The following IRF2 variants were observed in gnomAD, a reference collection of about 807,000 sequenced individuals.
IRF2 encodes interferon regulatory factor 2.
IRF2 carries 15 observed loss-of-function variants against 40.6 expected under a neutral mutation model. The observed-to-expected ratio is 0.37, with a 90% CI of 0.25 to 0.57. The LOEUF (loss-of-function observed/expected upper bound fraction) is 0.57. IRF2 is among the 20% of genes least tolerant of loss of function. The probability of loss-of-function intolerance (pLI) is 0.77; values close to 1 mark genes in which losing one functional copy is unlikely to be tolerated. For missense variants in IRF2, 317 were observed against 455.7 expected (o/e 0.70, Z 2.77); for synonymous variants, 151 against 165.5 (o/e 0.91, Z 0.67).
chr4:184,471,379 T>C (rs1739508423), intron 1 of IRF2, among the ~76,000 whole-genome samples: 1 of 152,320 alleles, frequency 6.6e-6, no homozygotes, highest in Admixed American at 6.5e-5. Flanking sequence ...GTCAGTTGAG[T>C]ATACAGAGGC....
chr4:184,408,266 C>G lies in IRF2; in HGVS notation c.421G>C (p.Val141Leu). Residue 141 changes from valine (V) to leucine (L), a missense_variant, in exon 6 of 9, where the codon GTT (valine) becomes CTT (leucine). Physicochemically the swap from Val to Leu is conservative, Grantham distance 32. Coordinates refer to ENST00000393593, the MANE Select transcript of IRF2 (RefSeq NM_002199.4). The surrounding 1 kb of genome is among the most constrained non-coding windows in gnomAD (Gnocchi z 4.9). ...TTACTAAGCCCCAGAGATGACTCAA[C>G]TGGTTCTTGCTAGGAAGAAGAAAAG... ...DKVKHIKQEP[V>L]ESSLGLSNGV... 11 of 1,597,702 alleles carry G rather than the reference C, an allele frequency of 6.9e-6. No homozygotes were observed. Among genetic ancestry groups the G allele is most frequent in the Non-Finnish European group, 9.4e-6 (11 of 1,165,492 alleles).
At chr4:184,407,077 G>A in intron 6 of IRF2, 3 of 600,362 alleles carry the variant, frequency 5.0e-6, no homozygotes, top group Non-Finnish European at 8.1e-6. Flanking sequence ...AACACAACAG[G>A]GTTATAGAGC....
At chr4:184,397,688 G>C (rs1041497127) in intron 7 of IRF2, among the ~76,000 whole-genome samples, 8 of 152,206 alleles carry the variant, frequency 5.3e-5, no homozygotes, top group African/African-American at 1.9e-4. Context: ...TTGGCAGCGT[G>C]TAAAGAGCAC....
intron 3 of IRF2, 108 bp from the exon 4 acceptor site, chr4:184,418,816 C>T (rs1282632763): frequency 4.5e-6 from 4 of 885,042 alleles, no homozygotes; most frequent in African/African-American, 1.7e-5. Context: ...GAAACCTTTT[C>T]ACTCCATGCT....
chr4:184,442,422 T>G (rs953051098), intron 1 of IRF2, among the ~76,000 whole-genome samples: 6 of 152,168 alleles, frequency 3.9e-5, no homozygotes, highest in Non-Finnish European at 8.8e-5. Flanking sequence ...TAGTTGCTGC[T>G]TCTGCCATAA....
At chr4:184,422,289 G>A (rs1440580951) in intron 2 of IRF2, among the ~76,000 whole-genome samples, 2 of 152,112 alleles carry the variant, frequency 1.3e-5, no homozygotes, top group Non-Finnish European at 1.5e-5. Context: ...AATAACAAAC[G>A]TTGGTGAGGA....
At chr4:184,441,341 G>A (rs1738296287) in intron 1 of IRF2, among the ~76,000 whole-genome samples, 1 of 152,208 alleles carries the variant, frequency 6.6e-6, no homozygotes, top group Non-Finnish European at 1.5e-5. Flanking sequence ...TACCATGAAT[G>A]AGGAAAGCTT....
intron 1 of IRF2, among the ~76,000 whole-genome samples, chr4:184,433,184 T>G (rs1451119277): frequency 6.6e-6 from 1 of 152,110 alleles, no homozygotes; most frequent in Non-Finnish European, 1.5e-5. Context: ...AAGAGCTGAG[T>G]GTGAAATCCT....
At chr4:184,426,304 C>T (rs1230383638) in intron 2 of IRF2, among the ~76,000 whole-genome samples, 1 of 152,228 alleles carries the variant, frequency 6.6e-6, no homozygotes, top group Admixed American at 6.5e-5. Flanking sequence ...GCGTGAGCCA[C>T]TGCGCCCAGC....
chr4:184,424,703 T>C (rs994762768), intron 2 of IRF2, among the ~76,000 whole-genome samples: 1 of 152,164 alleles, frequency 6.6e-6, no homozygotes, highest in Non-Finnish European at 1.5e-5. Flanking sequence ...AAATTCCTCT[T>C]CTTTACAAAT....
chr4:184,412,874 A>G lies in IRF2; in HGVS notation c.412-4599T>C, dbSNP rs567666462. Among the ~76,000 whole-genome samples, 18 of 152,220 alleles carry G rather than the reference A, an allele frequency of 1.2e-4. No homozygotes were observed. The South Asian group carries it at 3.5e-3, about 30-fold the overall frequency. On this transcript the variant is annotated intron_variant, in intron 5 of 8. Transcript: ENST00000393593. ...AAGGCATCAGTTTCCAAAGCTACCA[A>G]CGCCATTCTCAAGTAAATGACCACA...
chr4:184,462,542 T>C (rs577757136), intron 1 of IRF2, among the ~76,000 whole-genome samples: 9 of 152,236 alleles, frequency 5.9e-5, no homozygotes, highest in Non-Finnish European at 1.2e-4. Context: ...AACAAAGTTA[T>C]TGTTAACAAA....
intron 5 of IRF2, among the ~76,000 whole-genome samples, 176 bp downstream of exon 5, chr4:184,417,991 T>G (rs1737344464): frequency 6.6e-6 from 1 of 152,178 alleles, no homozygotes; most frequent in Non-Finnish European, 1.5e-5. Flanking sequence ...GGGCCCTGTG[T>G]ACCTCCATGT....
chr4:184,450,618 C>T (rs1319684138), intron 1 of IRF2, among the ~76,000 whole-genome samples: 3 of 152,042 alleles, frequency 2.0e-5, no homozygotes, highest in Non-Finnish European at 2.9e-5. Context: ...CCTAACAATA[C>T]GTATGTGCTT....
chr4:184,470,011 C>T (rs1739459745), intron 1 of IRF2, among the ~76,000 whole-genome samples: 1 of 152,154 alleles, frequency 6.6e-6, no homozygotes, highest in South Asian at 2.1e-4. Flanking sequence ...AACTTCCTCA[C>T]CCACTTTTCC....
At chr4:184,463,900 G>A (rs1739230197) in intron 1 of IRF2, among the ~76,000 whole-genome samples, 1 of 152,052 alleles carries the variant, frequency 6.6e-6, no homozygotes, top group Non-Finnish European at 1.5e-5. Flanking sequence ...CAGGTGTGAG[G>A]GGAAAATACA....
At chr4:184,396,929 C>T (rs928141369) in intron 7 of IRF2, among the ~76,000 whole-genome samples, 1 of 152,084 alleles carries the variant, frequency 6.6e-6, no homozygotes, top group African/African-American at 2.4e-5. Flanking sequence ...AAGGCAGAAC[C>T]CTATTTCTAT....
At chr4:184,432,990 C>G (rs896675076) in intron 1 of IRF2, among the ~76,000 whole-genome samples, 1 of 152,172 alleles carries the variant, frequency 6.6e-6, no homozygotes, top group Admixed American at 6.5e-5. Context: ...GAAGGGAGAG[C>G]TGCAAAGGCC....
chr4:184,429,084 A>C lies in IRF2; in HGVS notation c.-6-14T>G. Reference sequence around the variant, plus strand: ...CGGCATGGTGCCCTTGAGGGAGAGAAACACAGCGTCAGGCGTTGGTGCCAC... The same window carrying C: ...CGGCATGGTGCCCTTGAGGGAGAGACACACAGCGTCAGGCGTTGGTGCCAC... On this transcript the variant is annotated splice_polypyrimidine_tract_variant and intron_variant, in intron 1 of 8. Transcript: ENST00000393593. 6.2e-7 allele frequency: 1 copy of C among 1,610,496 alleles called. No homozygotes were observed. The highest frequency in any genetic ancestry group is 8.5e-7 in the Non-Finnish European group (1 of 1,176,824).
Sources: allele counts gnomAD v4.1 joint callset (sites outside exome capture counted in the v4.1 genomes callset), GRCh38; gene constraint gnomAD v4.1.1; non-coding constraint Gnocchi (gnomAD v3.1); transcripts MANE v1.5; gene names NCBI Gene and HGNC (gene_info 2026-07-23, HGNC 2026-07-21).